The following RUBCN variants were observed in gnomAD, a reference collection of about 807,000 sequenced individuals.
The protein encoded by RUBCN is rubicon autophagy regulator.
A neutral mutation model predicts 113.2 loss-of-function variants in RUBCN; 74 were observed. The ratio of observed to expected loss-of-function variants is 0.65; its 90% CI spans 0.54 to 0.79. RUBCN has a LOEUF of 0.79. Among genes scored for constraint, RUBCN ranks in the 30% least tolerant of loss-of-function variants. RUBCN has a pLI of 0.00. For synonymous variants in RUBCN, 480 were observed against 490.0 expected (o/e 0.98, Z 0.27); for missense variants, 1,109 against 1,251.7 (o/e 0.89, Z 1.72).
At chr3:197,716,614 G>T (rs1288465335) in intron 2 of RUBCN, among the ~76,000 whole-genome samples, 2 of 152,204 alleles carry the variant, frequency 1.3e-5, no homozygotes, top group African/African-American at 2.4e-5. Flanking sequence ...CCTCCAAGAT[G>T]TCTACATTCT....
At chr3:197,744,765 T>G (rs1487355580) in intron 1 of RUBCN, among the ~76,000 whole-genome samples, 1 of 151,968 alleles carries the variant, frequency 6.6e-6, no homozygotes, top group Non-Finnish European at 1.5e-5. Context: ...TACTAGAAAA[T>G]GCAAATTAAT....
At chr3:197,685,894 G>A (rs1721786589) in intron 11 of RUBCN, among the ~76,000 whole-genome samples, 1 of 152,188 alleles carries the variant, frequency 6.6e-6, no homozygotes, top group African/African-American at 2.4e-5. Context: ...ACATTTATTT[G>A]GGTAACACTT....
intron 1 of RUBCN, among the ~76,000 whole-genome samples, chr3:197,726,332 T>C (rs183596231): frequency 6.6e-6 from 1 of 152,206 alleles, no homozygotes; most frequent in Admixed American, 6.5e-5. Flanking sequence ...CTGCAAGCTC[T>C]GCCTCCTGGG....
At chr3:197,733,277 G>C (rs556556880) in intron 1 of RUBCN, among the ~76,000 whole-genome samples, 12 of 152,170 alleles carry the variant, frequency 7.9e-5, no homozygotes, top group African/African-American at 2.9e-4. Context: ...GTTTGAGACT[G>C]GCCTAGGCAA....
upstream of RUBCN, among the ~76,000 whole-genome samples, chr3:197,738,751 G>T (rs985388406): frequency 9.8e-5 from 14 of 142,496 alleles, no homozygotes; most frequent in Middle Eastern, 3.3e-3. Flanking sequence ...CAGCTAATTT[G>T]TTTTTTTTTT....
intron 7 of RUBCN, 33 bp downstream of exon 7, chr3:197,700,580 T>C (rs1331164795): frequency 2.5e-6 from 4 of 1,612,496 alleles, no homozygotes; most frequent in Admixed American, 3.3e-5. Flanking sequence ...TTCAGGGTCA[T>C]CTTGCTAACT....
Position 197,681,597 on chromosome 3 carries a change from G to A in RUBCN, c.2192-230C>T, listed in dbSNP as rs1022322659. Among the ~76,000 whole-genome samples, 3 of 152,250 alleles carry A rather than the reference G, an allele frequency of 2.0e-5. No individual in the cohort carries two copies. Among genetic ancestry groups the A allele is most frequent in the Middle Eastern group, 3.4e-3 (1 of 294 alleles). On this transcript the variant is annotated intron_variant, in intron 15 of 19. Transcript: ENST00000296343. This position sits in a 1 kb window ranked among gnomAD's most constrained non-coding sequence, Gnocchi z 5.5. The stretch of plus-strand genomic sequence containing the variant: ...AACCAGCTGGAGATAGTAAGATCCC[G>A]CCTTACCAGCTAGCTGGAACTACCC...
In RUBCN at chr3:197,681,194, G is replaced by C; in HGVS notation, c.2365C>G (p.Leu789Val). 6 of 1,614,110 alleles carry C rather than the reference G, an allele frequency of 3.7e-6. No homozygotes were observed. The highest frequency in any genetic ancestry group is 5.1e-6 in the Non-Finnish European group (6 of 1,179,992). Reference protein sequence around the residue: ...DLLIKIWNDPLFNVQDINSAL... With the variant: ...DLLIKIWNDPVFNVQDINSAL... ...CTGTTTATGTCCTGCACGTTGAAGA[G>C]AGGATCATTCCAGATCTTAATGAGC... Residue 789 changes from leucine to valine, a missense_variant, in exon 16 of 20, where the codon CTC (leucine) becomes GTC (valine). Leu to Val is a conservative substitution (Grantham distance 32). Transcript: ENST00000296343. This position sits in a 1 kb window ranked among gnomAD's most constrained non-coding sequence, Gnocchi z 5.5.
intron 11 of RUBCN, 56 bp from the exon 12 acceptor site, chr3:197,684,273 C>T (rs1721590666): frequency 7.4e-7 from 1 of 1,354,246 alleles, no homozygotes; most frequent in Non-Finnish European, 1.1e-6. Context: ...GGTAAGGGAA[C>T]CTGGAATCTA....
rs577231966 is a variant in RUBCN, at chr3:197,683,655, C to T, written c.1848-216G>A. 5.9e-5 allele frequency among the ~76,000 whole-genome samples: 9 copies of T among 152,296 alleles called. No homozygotes were observed. In the East Asian group the frequency reaches 9.7e-4, roughly 16 times the overall value. On this transcript the variant is annotated intron_variant, in intron 12 of 19. Coordinates refer to ENST00000296343, the MANE Select transcript of RUBCN (RefSeq NM_014687.4). This position sits in a 1 kb window ranked among gnomAD's most constrained non-coding sequence, Gnocchi z 4.6. ...TCAAGCCCCACTTCCTGCCACTGCA[C>T]GGCACTGCTAATGAAGGACTCTGTC...
In RUBCN at chr3:197,674,550, C is replaced by T. The variant is rs1720119684; in HGVS notation, c.*468G>A. ...CCTCGGGGCACAGTCTGACCCCAGT[C>T]CAGGACAGGGAGAGGGAAAACGCCA... is the stretch of plus-strand genomic sequence containing the variant. On this transcript the variant is annotated 3_prime_UTR_variant, in exon 20 of 20. Transcript: ENST00000296343. 1.9e-6 allele frequency: 1 copy of T among 518,776 alleles called. No homozygotes were observed. The highest frequency in any genetic ancestry group is 2.0e-5 in the African/African-American group (1 of 50,524). The allele number at this position is 518,776 out of a possible 1,614,324, so 32.1% of individuals were successfully genotyped here.
At position 197,675,200 on chromosome 3, in the gene RUBCN, C is replaced by T; in HGVS notation, c.2741-4G>A. On this transcript the variant is annotated splice_polypyrimidine_tract_variant and splice_region_variant and intron_variant, in intron 19 of 19. Transcript: ENST00000296343. The surrounding 1 kb of genome is among the most constrained non-coding windows in gnomAD (Gnocchi z 4.4). ...TTATGGTAACACGCTTTACACTCTACTCAGGTTGGGAAGGTGGGGGAGAGA... is the reference window on the plus strand; with the variant it reads ...TTATGGTAACACGCTTTACACTCTATTCAGGTTGGGAAGGTGGGGGAGAGA... 1 of 1,614,084 alleles carries T rather than the reference C, an allele frequency of 6.2e-7. No homozygotes were observed. Among genetic ancestry groups the T allele is most frequent in the Non-Finnish European group, 8.5e-7 (1 of 1,180,038 alleles).
upstream of RUBCN, chr3:197,736,959 C>T (rs1728224849): frequency 4.6e-6 from 6 of 1,297,930 alleles, no homozygotes; most frequent in African/African-American, 1.6e-5. Context: ...GAGGCTAGGC[C>T]GCTCCCGCAG....
intron 11 of RUBCN, among the ~76,000 whole-genome samples, chr3:197,692,001 A>T (rs1320326886): frequency 6.6e-6 from 1 of 151,992 alleles, no homozygotes; most frequent in Non-Finnish European, 1.5e-5. Flanking sequence ...AGTTTATGCT[A>T]ATGAGGAGAC....
In RUBCN at chr3:197,695,992, T is replaced by C. The variant is rs532095770; in HGVS notation, c.1358-11A>G. On this transcript the variant is annotated splice_polypyrimidine_tract_variant and intron_variant, in intron 8 of 19. Coordinates refer to ENST00000296343, the MANE Select transcript of RUBCN (RefSeq NM_014687.4). Reference sequence around the variant, plus strand: ...GGTACCGACCACCTTCTGTGGGAAATGGAATGTGGATGAAACAGCCAGGCT... The same window carrying C: ...GGTACCGACCACCTTCTGTGGGAAACGGAATGTGGATGAAACAGCCAGGCT... 1.7e-5 allele frequency: 28 copies of C among 1,612,628 alleles called. No homozygotes were observed. The South Asian group carries it at 3.0e-4, about 17-fold the overall frequency.
intron 1 of RUBCN, among the ~76,000 whole-genome samples, chr3:197,731,614 G>A (rs1442834993): frequency 3.4e-5 from 5 of 148,418 alleles, no homozygotes; most frequent in South Asian, 4.2e-4. Flanking sequence ...GCGGCTGGCC[G>A]GGCGGGGCCT....
chr3:197,681,847 G>A lies in RUBCN; in HGVS notation c.2179C>T (p.Arg727Trp), dbSNP rs762369064. 6.2e-6 allele frequency: 10 copies of A among 1,613,874 alleles called. No homozygotes were observed. Among genetic ancestry groups the A allele is most frequent in the East Asian group, 2.2e-5 (1 of 44,892 alleles). ...GGAAGGCACTCACCAGGGTCAGTCCGGATGCCACATCCTGCACAGCGGTAA... is the reference window on the plus strand; with the variant it reads ...GGAAGGCACTCACCAGGGTCAGTCCAGATGCCACATCCTGCACAGCGGTAA... ...QNYRCAGCGI[R>W]TDPDYIKRLR... The change falls in exon 15 of 20, where the codon CGG becomes TGG. Residue 727 changes from arginine to tryptophan, a missense_variant. This residue lies in a region of RUBCN where 306 missense variants were observed against 348.9 expected (regional missense o/e 0.88). Transcript: ENST00000296343. This position sits in a 1 kb window ranked among gnomAD's most constrained non-coding sequence, Gnocchi z 5.5.
intron 11 of RUBCN, chr3:197,690,931 C>T: frequency 2.4e-6 from 1 of 413,026 alleles, no homozygotes; most frequent in Non-Finnish European, 4.7e-6. Flanking sequence ...TCTGGCTTAG[C>T]TCCAGTTTCT....
At chr3:197,699,286 A>G (rs1723372966) in intron 7 of RUBCN, 1 of 1,302,688 alleles carries the variant, frequency 7.7e-7, no homozygotes, top group South Asian at 1.3e-5. Flanking sequence ...ATGAGAATAC[A>G]GAGAGAGAAA....
Sources: gnomAD v4.1 joint callset for allele counts (sites outside exome capture counted in the v4.1 genomes callset) on GRCh38, gnomAD v4.1.1 for gene constraint, gnomAD v4.1.1 regional missense constraint, Gnocchi (gnomAD v3.1) non-coding constraint, MANE v1.5 for transcripts, NCBI Gene and HGNC (gene_info 2026-07-23, HGNC 2026-07-21) for gene names.